RAB5B: variants seen among roughly 807,000 people sequenced by gnomAD.
The protein encoded by RAB5B is ras-related protein Rab-5B.
RAB5B carries 11 observed loss-of-function variants against 28.6 expected under a neutral mutation model. The ratio of observed to expected loss-of-function variants is 0.38; its 90% CI spans 0.24 to 0.64. The LOEUF (loss-of-function observed/expected upper bound fraction) is 0.64. RAB5B is among the 30% of genes least tolerant of loss of function. The pLI is 0.53. For missense variants in RAB5B, 169 were observed against 265.6 expected (o/e 0.64, Z 2.53); for synonymous variants, 93 against 97.9 (o/e 0.95, Z 0.29).
At chr12:55,974,724 C>T (rs1889597637) in intron 1 of RAB5B, among the ~76,000 whole-genome samples, 1 of 152,076 alleles carries the variant, frequency 6.6e-6, no homozygotes, top group Non-Finnish European at 1.5e-5. Flanking sequence ...ATGAAGAAGG[C>T]TGTATTAATC....
intron 1 of RAB5B, chr12:55,985,573 T>C (rs917322251): frequency 1.6e-4 from 57 of 363,568 alleles, no homozygotes; most frequent in Non-Finnish European, 3.3e-5. Flanking sequence ...AAGTCCCAAC[T>C]CTTCTCTCTG....
chr12:55,981,115 G>T, intron 1 of RAB5B: 2 of 1,226,552 alleles, frequency 1.6e-6, no homozygotes, highest in Non-Finnish European at 2.3e-6. Flanking sequence ...CCAGGCTGGA[G>T]TGCAGTCGTG....
intron 1 of RAB5B, 74 bp from the exon 2 acceptor site, chr12:55,986,795 T>C: frequency 1.6e-6 from 1 of 644,740 alleles, no homozygotes; most frequent in Non-Finnish European, 2.8e-6. Flanking sequence ...ATGAAGAGGT[T>C]CTATCCTTCT....
upstream of RAB5B, chr12:55,974,002 T>C (rs1473917044): frequency 1.3e-5 from 2 of 152,300 alleles, no homozygotes; most frequent in African/African-American, 4.8e-5. Flanking sequence ...CCCTCGAAGG[T>C]AGGCGGGTAA....
chr12:55,996,003 A>ATATATATATATT lies in RAB5B; in HGVS notation c.*3792_*3793insATATATATATTT. The ATATATATATATT allele has an allele frequency of 1.2e-4, 12 of 97,434 alleles. No individual in the cohort carries two copies. Among genetic ancestry groups the ATATATATATATT allele is most frequent in the Non-Finnish European group, 9.9e-5 (5 of 50,494 alleles). 6.0% of individuals were successfully genotyped at this position (97,434 alleles called of 1,614,324 possible). On this transcript the variant is annotated 3_prime_UTR_variant, in exon 6 of 6. Transcript: ENST00000360299. ...TATATACATATATATATATATATAT[A>ATATATATATATT]TTTTTTTTTTAACAACTGGTAGGAT...
rs1449420001 is a variant in RAB5B at position 55,986,918 on chromosome 12, G to T, written c.-43G>T. 4.3e-5 allele frequency: 14 copies of T among 327,612 alleles called. No homozygotes were observed. The highest frequency in any genetic ancestry group is 2.9e-4 in the African/African-American group (5 of 16,966). The allele number at this position is 327,612 out of a possible 1,614,324, so 20.3% of individuals were successfully genotyped here. On this transcript the variant is annotated 5_prime_UTR_variant, in exon 2 of 6. Transcript: ENST00000360299. The stretch of plus-strand genomic sequence containing the variant: ...TCCCCTTCCCCCTCCCCCCTTTACA[G>T]TATCCCCCTCCCTCCACCCTTTCCC...
In RAB5B at chr12:55,996,233, C is replaced by T. The variant is rs1272279118; in HGVS notation, c.*4021C>T. On this transcript the variant is annotated 3_prime_UTR_variant, in exon 6 of 6. Coordinates refer to ENST00000360299, the MANE Select transcript of RAB5B (RefSeq NM_002868.4). ...GAGAGCCGAAAGGAAAGGAAATGAT[C>T]TTTCAAAATTAAAGGTGAACACCTT... 2 of 151,544 alleles carry T rather than the reference C, an allele frequency of 1.3e-5. No individual in the cohort carries two copies. The highest frequency in any genetic ancestry group is 6.6e-5 in the Admixed American group (1 of 15,196). The allele number at this position is 151,544 out of a possible 1,614,324, so 9.4% of individuals were successfully genotyped here. A position where few individuals can be genotyped will look rare whatever the true frequency, so the allele number is the denominator to read the frequency against.
chr12:55,978,197 A>G (rs1252631420), intron 1 of RAB5B, among the ~76,000 whole-genome samples: 2 of 152,194 alleles, frequency 1.3e-5, no homozygotes, highest in African/African-American at 2.4e-5. Flanking sequence ...TCTGAGGCCT[A>G]TTAAAAATAT....
At chr12:55,979,799 C>T (rs1889748999) in intron 1 of RAB5B, among the ~76,000 whole-genome samples, 1 of 152,212 alleles carries the variant, frequency 6.6e-6, no homozygotes. Flanking sequence ...GCTCTCGATC[C>T]TGTCCTGGTG....
At chr12:55,990,278 C>CGG (rs1555196442) in intron 3 of RAB5B, 180 bp downstream of exon 3, 35 of 624,874 alleles carry the variant, frequency 5.6e-5, no homozygotes, top group Middle Eastern at 9.7e-4. Flanking sequence ...CGTGGTGGTG[C>CGG]GCGCCTGTAG....
intron 1 of RAB5B, among the ~76,000 whole-genome samples, chr12:55,978,763 A>G (rs964584557): frequency 6.7e-6 from 1 of 149,680 alleles, no homozygotes; most frequent in Non-Finnish European, 1.5e-5. Context: ...ATACTATTAT[A>G]GAAATACAGT....
intron 3 of RAB5B, 136 bp from the exon 4 acceptor site, chr12:55,990,546 A>G: frequency 8.6e-7 from 1 of 1,168,842 alleles, no homozygotes; most frequent in African/African-American, 1.5e-5. Context: ...GAAGACAGAT[A>G]ATGAATTATC....
chr12:55,982,792 T>C (rs1345926733), intron 1 of RAB5B, among the ~76,000 whole-genome samples: 1 of 152,172 alleles, frequency 6.6e-6, no homozygotes, highest in Non-Finnish European at 1.5e-5. Flanking sequence ...GTTTCCTGTC[T>C]TTACACTCCC....
chr12:55,980,514 C>G, intron 1 of RAB5B: 6 of 1,587,092 alleles, frequency 3.8e-6, no homozygotes, highest in Non-Finnish European at 5.2e-6. Flanking sequence ...CTCCGGCCTC[C>G]TGACTTGAGC....
Position 55,996,003 on chromosome 12 carries a change from A to ATATATATATATTTTTT in RAB5B, c.*3792_*3793insATATATATATTTTTTT. The ATATATATATATTTTTT allele has an allele frequency of 4.6e-3, 444 of 97,188 alleles. 4 individuals carry two copies. The highest frequency in any genetic ancestry group is 6.8e-3 in the Non-Finnish European group (340 of 50,340). The allele number at this position is 97,188 out of a possible 1,614,324, so 6.0% of individuals were successfully genotyped here. On this transcript the variant is annotated 3_prime_UTR_variant, in exon 6 of 6. Transcript: ENST00000360299. ...TATATACATATATATATATATATAT[A>ATATATATATATTTTTT]TTTTTTTTTTAACAACTGGTAGGAT...
intron 1 of RAB5B, among the ~76,000 whole-genome samples, chr12:55,976,827 A>G (rs1328148072): frequency 6.6e-6 from 1 of 152,036 alleles, no homozygotes; most frequent in Non-Finnish European, 1.5e-5. Flanking sequence ...ATTTCATACT[A>G]CCACCTTATT....
At chr12:55,985,697 C>G (rs1353754261) in intron 1 of RAB5B, 3 of 455,948 alleles carry the variant, frequency 6.6e-6, no homozygotes, top group African/African-American at 4.0e-5. Context: ...ATACCATCCT[C>G]TGGAGACTTC....
At chr12:55,976,905 G>A (rs1277753629) in intron 1 of RAB5B, among the ~76,000 whole-genome samples, 2 of 152,130 alleles carry the variant, frequency 1.3e-5, no homozygotes, top group African/African-American at 4.8e-5. Flanking sequence ...GCGCCCATTG[G>A]AAACCTCGGT....
chr12:55,982,897 A>AT (rs1262529783), intron 1 of RAB5B, among the ~76,000 whole-genome samples: 1 of 152,210 alleles, frequency 6.6e-6, no homozygotes, highest in East Asian at 1.9e-4. Flanking sequence ...GAGGCTTAAT[A>AT]TTCTACCCCT....
Sources: allele counts gnomAD v4.1 joint callset (sites outside exome capture counted in the v4.1 genomes callset), GRCh38; gene constraint gnomAD v4.1.1; transcripts MANE v1.5; gene names NCBI Gene and HGNC (gene_info 2026-07-23, HGNC 2026-07-21).